Variants in EYS observed in about 807,000 individuals in gnomAD.
EYS encodes protein eyes shut homolog.
Under a neutral mutation model 282.1 loss-of-function variants are expected in EYS, and 250 were observed. The observed-to-expected ratio is 0.89, with a 90% CI of 0.80 to 0.98. The LOEUF is 0.98. EYS is among the 50% of genes least tolerant of loss of function. The probability of loss-of-function intolerance (pLI) is 0.00; values close to 1 mark genes in which losing one functional copy is unlikely to be tolerated. For synonymous variants in EYS, 1,355 were observed against 1,282.9 expected (o/e 1.06, Z -1.20); for missense variants, 4,016 against 3,709.0 (o/e 1.08, Z -2.15).
intron 22 of EYS, among the ~76,000 whole-genome samples, chr6:64,741,357 G>C (rs1485202175): frequency 6.6e-6 from 1 of 152,118 alleles, no homozygotes; most frequent in South Asian, 2.1e-4. Flanking sequence ...CAAATGTGCT[G>C]TCATCCACGC....
chr6:64,665,061 TGGG>T, intron 22 of EYS, among the ~76,000 whole-genome samples: 1 of 152,310 alleles, frequency 6.6e-6, no homozygotes, highest in Non-Finnish European at 1.5e-5. Context: ...TATACATATG[TGGG>T]AATGTGTAAA....
chr6:64,590,267 G>A lies in EYS; in HGVS notation c.5600C>T (p.Ser1867Phe), dbSNP rs542339299. Reference sequence around the variant, plus strand: ...AGGTGCCAGAATGGATTCCAGTGAAGACAAAGTAAGAGATCTAGTGAAGGG... The same window carrying A: ...AGGTGCCAGAATGGATTCCAGTGAAAACAAAGTAAGAGATCTAGTGAAGGG... ...HLPFTRSLTL[S>F]SLESILAPQR... is the part of the protein sequence containing the mutation. Residue 1867 changes from serine to phenylalanine, a missense_variant, in exon 26 of 43, where the codon TCT becomes TTT. By Grantham distance (155) the Ser-to-Phe change is radical. Transcript: ENST00000503581. The A allele has an allele frequency of 1.6e-4, 244 of 1,550,710 alleles. 1 individual carries two copies. The South Asian group carries it at 2.8e-3, about 18-fold the overall frequency.
intron 40 of EYS, among the ~76,000 whole-genome samples, chr6:63,768,748 T>G (rs1769859302): frequency 6.6e-6 from 1 of 152,010 alleles, no homozygotes; most frequent in Admixed American, 6.6e-5. Context: ...TATAAATCAT[T>G]CTATCAAAAA....
intron 40 of EYS, among the ~76,000 whole-genome samples, chr6:63,767,788 C>T (rs1487285069): frequency 6.6e-6 from 1 of 152,058 alleles, no homozygotes; most frequent in Admixed American, 6.6e-5. Context: ...GCAAAAAGAA[C>T]AAGGCCGGAG....
intron 5 of EYS, among the ~76,000 whole-genome samples, chr6:65,455,826 A>C (rs1473859268): frequency 6.6e-6 from 1 of 152,128 alleles, no homozygotes; most frequent in Non-Finnish European, 1.5e-5. Context: ...AAAAATTTAA[A>C]GAAGAATTAA....
intron 12 of EYS, among the ~76,000 whole-genome samples, chr6:65,113,295 A>C (rs1469181712): frequency 4.6e-5 from 7 of 152,088 alleles, no homozygotes; most frequent in Non-Finnish European, 8.8e-5. Flanking sequence ...GAAAAAGACA[A>C]GACTCTCTCT....
At chr6:65,414,321 T>G (rs1767146647) in intron 5 of EYS, among the ~76,000 whole-genome samples, 1 of 152,148 alleles carries the variant, frequency 6.6e-6, no homozygotes, top group African/African-American at 2.4e-5. Context: ...TATGGAGCAT[T>G]TTGTTCTAAA....
At chr6:64,314,805 C>T (rs1769873667) in intron 29 of EYS, among the ~76,000 whole-genome samples, 1 of 151,982 alleles carries the variant, frequency 6.6e-6, no homozygotes, top group Non-Finnish European at 1.5e-5. Context: ...GCAATAAATG[C>T]CCACAGGAGA....
chr6:65,696,805 TTAAA>T (rs748867432), intron 1 of EYS, among the ~76,000 whole-genome samples: 8 of 152,144 alleles, frequency 5.3e-5, no homozygotes, highest in Non-Finnish European at 8.8e-5. Flanking sequence ...TATGCACTGC[TTAAA>T]TAAATTGACA....
intron 22 of EYS, among the ~76,000 whole-genome samples, chr6:64,734,166 C>A (rs948287753): frequency 6.6e-6 from 1 of 151,472 alleles, no homozygotes; most frequent in Non-Finnish European, 1.5e-5. Context: ...AATAGATTTA[C>A]TGCTGGCCAT....
At chr6:65,290,313 C>A (rs1181161385) in intron 12 of EYS, among the ~76,000 whole-genome samples, 1 of 150,668 alleles carries the variant, frequency 6.6e-6, no homozygotes, top group Admixed American at 6.6e-5. Flanking sequence ...AAAATAAGTT[C>A]TTGAAAATAA....
intron 26 of EYS, among the ~76,000 whole-genome samples, chr6:64,446,317 C>T (rs1426292258): frequency 6.6e-6 from 1 of 152,058 alleles, no homozygotes; most frequent in Admixed American, 6.5e-5. Context: ...TGAACCTTCC[C>T]TCTCTACTGC....
intron 2 of EYS, among the ~76,000 whole-genome samples, chr6:65,559,374 A>G (rs1194001570): frequency 2.0e-5 from 3 of 152,176 alleles, no homozygotes; most frequent in Non-Finnish European, 4.4e-5. Context: ...AGTAAGCACT[A>G]TCTCAAAAAG....
chr6:64,703,416 T>C (rs1382224910), intron 22 of EYS, among the ~76,000 whole-genome samples: 32 of 20,084 alleles, frequency 1.6e-3, no homozygotes, highest in East Asian at 2.6e-3. Context: ...CACACATATA[T>C]ATATATATAT....
At chr6:64,573,668 G>GAA (rs201120695) in intron 26 of EYS, among the ~76,000 whole-genome samples, 14,952 of 151,824 alleles carry the variant, frequency 0.098, 912 homozygotes, top group East Asian at 0.16. Flanking sequence ...ACAAACATAT[G>GAA]AAAAAAAAGC....
intron 15 of EYS, among the ~76,000 whole-genome samples, chr6:64,936,255 C>CA (rs141434369): frequency 0.022 from 3,331 of 150,844 alleles, 122 homozygotes; most frequent in African/African-American, 0.076. Flanking sequence ...AAAAACAAAA[C>CA]AAAAAAAACA....
At chr6:64,343,585 A>T (rs1771228492) in intron 29 of EYS, among the ~76,000 whole-genome samples, 2 of 152,136 alleles carry the variant, frequency 1.3e-5, no homozygotes, top group African/African-American at 4.8e-5. Context: ...TATACCACTA[A>T]ATGCCCACAA....
At chr6:65,676,964 C>T (rs1045622859) in intron 1 of EYS, among the ~76,000 whole-genome samples, 2 of 150,748 alleles carry the variant, frequency 1.3e-5, no homozygotes, top group Admixed American at 1.3e-4. Context: ...ACCTGATCAC[C>T]TTCATAGATG....
intron 15 of EYS, among the ~76,000 whole-genome samples, chr6:64,919,506 G>T (rs1002892443): frequency 6.8e-6 from 1 of 147,044 alleles, no homozygotes; most frequent in Non-Finnish European, 1.5e-5. Flanking sequence ...AATAGAAAAA[G>T]GATTTCTTCT....
Sources: allele counts gnomAD v4.1 joint callset (sites outside exome capture counted in the v4.1 genomes callset), GRCh38; gene constraint gnomAD v4.1.1; transcripts MANE v1.5; gene names NCBI Gene and HGNC (gene_info 2026-07-23, HGNC 2026-07-21).